Variants in RYR3 observed in about 807,000 individuals in gnomAD.
RYR3 encodes brain ryanodine receptor-calcium release channel.
RYR3 carries 207 observed loss-of-function variants against 584.3 expected under a neutral mutation model. The ratio of observed to expected loss-of-function variants is 0.35; its 90% CI spans 0.32 to 0.40. RYR3 has a LOEUF of 0.40. Among genes scored for constraint, RYR3 ranks in the 10% least tolerant of loss-of-function variants. RYR3 has a pLI of 1.00. For missense variants in RYR3, 5,616 were observed against 6,089.2 expected (o/e 0.92, Z 2.59); for synonymous variants, 2,416 against 2,248.5 (o/e 1.07, Z -2.11).
chr15:33,316,895 C>A (rs1968251216), intron 1 of RYR3, among the ~76,000 whole-genome samples: 1 of 152,210 alleles, frequency 6.6e-6, no homozygotes, highest in Non-Finnish European at 1.5e-5. Flanking sequence ...TGTTGGACAG[C>A]CTCTAGTGTT....
intron 2 of RYR3, among the ~76,000 whole-genome samples, chr15:33,474,043 G>A (rs1232635677): frequency 6.6e-6 from 1 of 152,182 alleles, no homozygotes; most frequent in Non-Finnish European, 1.5e-5. Flanking sequence ...ACTGGTCTCC[G>A]CCTGCATGGT....
intron 1 of RYR3, among the ~76,000 whole-genome samples, chr15:33,418,475 A>G (rs2043989161): frequency 6.6e-6 from 1 of 152,076 alleles, no homozygotes; most frequent in Non-Finnish European, 1.5e-5. Context: ...AGCACAAGGG[A>G]AGATGGTGAG....
intron 1 of RYR3, among the ~76,000 whole-genome samples, chr15:33,395,596 G>A (rs1229902431): frequency 1.3e-5 from 2 of 152,160 alleles, no homozygotes; most frequent in Non-Finnish European, 2.9e-5. Context: ...CAGCCTTCCC[G>A]TGACACAGGC....
chr15:33,325,616 T>TTCTTTCCTTTTCTTTTCTTTTCCTC (rs543279271), intron 1 of RYR3, among the ~76,000 whole-genome samples: 2,956 of 150,980 alleles, frequency 0.02, 54 homozygotes, highest in Non-Finnish European at 0.032. Flanking sequence ...TTCTTTTCCT[T>TTCTTTCCTTTTCTTTTCTTTTCCTC]TCTTTCCTTT....
intron 2 of RYR3, among the ~76,000 whole-genome samples, chr15:33,480,945 G>A (rs2049906832): frequency 6.6e-6 from 1 of 152,180 alleles, no homozygotes; most frequent in African/African-American, 2.4e-5. Context: ...TAAAAACTAT[G>A]AGGATTTGTC....
At chr15:33,764,245 C>T (rs888435741) in intron 60 of RYR3, among the ~76,000 whole-genome samples, 1 of 152,056 alleles carries the variant, frequency 6.6e-6, no homozygotes, top group African/African-American at 2.4e-5. Context: ...TCCTATGCAG[C>T]CATAAAAAAG....
rs1245771328 is a variant in RYR3, at chr15:33,336,482, GAGA to G, written c.51+25387_51+25389del. On this transcript the variant is annotated intron_variant, in intron 1 of 103. Transcript: ENST00000634891. The stretch of plus-strand genomic sequence containing the variant: ...AGAGAGAGAGAGAGAGAGAGAGAGA[GAGA>G]GAAAGAAAGAAAGAAAGAAGGAGGG... 7.2e-5 allele frequency among the ~76,000 whole-genome samples: 3 copies of G among 41,918 alleles called. 1 individual carries two copies. The African/African-American group carries it at 7.3e-4, about 10-fold the overall frequency. 27.5% of individuals were successfully genotyped at this position (41,918 alleles called of 152,430 possible). A position where few individuals can be genotyped will look rare whatever the true frequency, so the allele number is the denominator to read the frequency against.
chr15:33,761,652 C>G (rs1470237305), intron 60 of RYR3, among the ~76,000 whole-genome samples: 1 of 152,206 alleles, frequency 6.6e-6, no homozygotes, highest in African/African-American at 2.4e-5. Flanking sequence ...CAGACAGATT[C>G]ACAGCCTAAT....
intron 5 of RYR3, 74 bp downstream of exon 5, chr15:33,533,463 A>G (rs2055051668): frequency 9.8e-7 from 1 of 1,024,444 alleles, no homozygotes; most frequent in Non-Finnish European, 1.5e-6. Flanking sequence ...AGGACCCTGA[A>G]TGCGTTACTC....
At chr15:33,536,513 C>T (rs943922803) in intron 5 of RYR3, among the ~76,000 whole-genome samples, 1 of 152,186 alleles carries the variant, frequency 6.6e-6, no homozygotes, top group Admixed American at 6.5e-5. Flanking sequence ...TGGACTGGCC[C>T]ATCCCACTGC....
At chr15:33,628,600 G>A in intron 21 of RYR3, 25 bp downstream of exon 21, 1 of 1,449,242 alleles carries the variant, frequency 6.9e-7, no homozygotes, top group Non-Finnish European at 9.7e-7. Flanking sequence ...GCCAGGTTAG[G>A]GTGGAGGGTG....
intron 1 of RYR3, among the ~76,000 whole-genome samples, chr15:33,421,559 A>G (rs2044244972): frequency 6.6e-6 from 1 of 152,238 alleles, no homozygotes; most frequent in South Asian, 2.1e-4. Flanking sequence ...ACAAAGGTAG[A>G]TGGTGTGAAA....
At chr15:33,407,360 G>A (rs1401517038) in intron 1 of RYR3, among the ~76,000 whole-genome samples, 1 of 152,158 alleles carries the variant, frequency 6.6e-6, no homozygotes, top group African/African-American at 2.4e-5. Flanking sequence ...GGTATAAATG[G>A]GGAGCAGAGT....
chr15:33,706,774 C>G, intron 42 of RYR3, 145 bp from the exon 43 acceptor site: 1 of 689,166 alleles, frequency 1.5e-6, no homozygotes, highest in Non-Finnish European at 2.4e-6. Flanking sequence ...TCCACAGTGG[C>G]TGTACCATTT....
At chr15:33,428,818 G>C (rs1206862811) in intron 1 of RYR3, among the ~76,000 whole-genome samples, 2 of 152,148 alleles carry the variant, frequency 1.3e-5, no homozygotes, top group Non-Finnish European at 2.9e-5. Context: ...AAAGTTGTTA[G>C]CATAATTGTA....
intron 102 of RYR3, among the ~76,000 whole-genome samples, chr15:33,861,733 C>G (rs1446024195): frequency 1.3e-5 from 2 of 152,074 alleles, no homozygotes; most frequent in South Asian, 2.1e-4. Flanking sequence ...GTTTTCAGGC[C>G]TCATCATGTC....
intron 3 of RYR3, among the ~76,000 whole-genome samples, chr15:33,522,342 G>A (rs1343783342): frequency 3.3e-5 from 5 of 152,136 alleles, no homozygotes; most frequent in African/African-American, 4.8e-5. Context: ...CAGGGGTGTC[G>A]CCCCCTTTCA....
chr15:33,517,777 A>G (rs1257702911), intron 3 of RYR3, among the ~76,000 whole-genome samples: 1 of 152,200 alleles, frequency 6.6e-6, no homozygotes, highest in African/African-American at 2.4e-5. Flanking sequence ...CTAGGGATAT[A>G]TATTTATTAC....
chr15:33,531,036 G>C (rs1381606687), intron 4 of RYR3, among the ~76,000 whole-genome samples: 4 of 152,000 alleles, frequency 2.6e-5, no homozygotes, highest in Non-Finnish European at 5.9e-5. Context: ...GAGCGCTTTA[G>C]TATACAAGGA....
Sources: allele counts gnomAD v4.1 joint callset (sites outside exome capture counted in the v4.1 genomes callset), GRCh38; gene constraint gnomAD v4.1.1; transcripts MANE v1.5; gene names NCBI Gene and HGNC (gene_info 2026-07-23, HGNC 2026-07-21).